NEDD9: variants seen among roughly 807,000 people sequenced by gnomAD.
NEDD9 encodes neural precursor cell expressed, developmentally down-regulated 9, also known as enhancer of filamentation 1.
Under a neutral mutation model 76.6 loss-of-function variants are expected in NEDD9, and 26 were observed. The observed-to-expected ratio is 0.34, with a 90% CI of 0.25 to 0.47. NEDD9 has a LOEUF of 0.47. NEDD9 is among the 20% of genes least tolerant of loss of function. NEDD9 has a pLI of 1.00. For synonymous variants in NEDD9, 392 were observed against 414.2 expected, an observed-to-expected ratio of 0.95 and a Z score of 0.65; for missense variants, 937 against 1,058.5, an observed-to-expected ratio of 0.89 and a Z score of 1.59.
chr6:11,381,468 C>T (rs1376547884), intron 1 of NEDD9, among the ~76,000 whole-genome samples: 6 of 152,096 alleles, frequency 3.9e-5, no homozygotes, highest in African/African-American at 7.2e-5. Flanking sequence ...GCCTCAAGTC[C>T]TTGGTGGAAG....
At chr6:11,338,796 C>A (rs1762215676) in intron 1 of NEDD9, among the ~76,000 whole-genome samples, 1 of 151,886 alleles carries the variant, frequency 6.6e-6, no homozygotes, top group Non-Finnish European at 1.5e-5. Context: ...GTGGTGTGTG[C>A]CTGTAATCCC....
intron 2 of NEDD9, among the ~76,000 whole-genome samples, chr6:11,313,829 T>A (rs1242067528): frequency 6.6e-6 from 1 of 152,214 alleles, no homozygotes; most frequent in Non-Finnish European, 1.5e-5. Context: ...CGGTAATATT[T>A]GTTTTTAAAA....
chr6:11,351,287 G>T (rs1041410939), intron 1 of NEDD9, among the ~76,000 whole-genome samples: 1 of 152,166 alleles, frequency 6.6e-6, no homozygotes, highest in Non-Finnish European at 1.5e-5. Context: ...GGAGTCCCCA[G>T]GCTGGAATGT....
intron 3 of NEDD9, among the ~76,000 whole-genome samples, chr6:11,250,280 C>T (rs1301237585): frequency 1.3e-5 from 2 of 152,164 alleles, no homozygotes; most frequent in Non-Finnish European, 2.9e-5. Flanking sequence ...TTAGAGCCCC[C>T]ATGACAAGCA....
chr6:11,367,081 C>T (rs1055793093), intron 1 of NEDD9, among the ~76,000 whole-genome samples: 3 of 108,928 alleles, frequency 2.8e-5, no homozygotes, highest in African/African-American at 1.2e-4. Flanking sequence ...AGAGGAGAAC[C>T]GTATAAAGCT....
chr6:11,375,358 A>G (rs900419212), intron 1 of NEDD9, among the ~76,000 whole-genome samples: 1 of 152,194 alleles, frequency 6.6e-6, no homozygotes, highest in Non-Finnish European at 1.5e-5. Flanking sequence ...AATTGTATAT[A>G]TACCTATGCA....
At chr6:11,204,073 A>G (rs962139897) in intron 2 of NEDD9, among the ~76,000 whole-genome samples, 1 of 152,168 alleles carries the variant, frequency 6.6e-6, no homozygotes. Flanking sequence ...ATAAAATTTT[A>G]GCAAAGATCA....
At chr6:11,352,830 T>C (rs991056001) in intron 1 of NEDD9, 20 of 152,374 alleles carry the variant, frequency 1.3e-4, no homozygotes, top group African/African-American at 4.3e-4. Context: ...ATCTCGCTTT[T>C]CTACTTATAA....
chr6:11,268,385 AG>A (rs1760239103), intron 3 of NEDD9, among the ~76,000 whole-genome samples: 1 of 152,122 alleles, frequency 6.6e-6, no homozygotes, highest in Non-Finnish European at 1.5e-5. Flanking sequence ...ATGAAAGAAC[AG>A]ATATATAGAA....
intron 1 of NEDD9, among the ~76,000 whole-genome samples, chr6:11,226,261 T>G (rs1027536636): frequency 3.3e-5 from 5 of 152,124 alleles, no homozygotes; most frequent in African/African-American, 1.2e-4. Context: ...CAGGGTTTTT[T>G]TTTGTGTGTG....
At chr6:11,317,826 C>A (rs1319051049) in intron 2 of NEDD9, among the ~76,000 whole-genome samples, 4 of 152,142 alleles carry the variant, frequency 2.6e-5, no homozygotes, top group Non-Finnish European at 5.9e-5. Context: ...GATGTCCAGA[C>A]ATTTGGGCAA....
At chr6:11,338,376 T>G (rs1762206659) in intron 1 of NEDD9, among the ~76,000 whole-genome samples, 1 of 152,156 alleles carries the variant, frequency 6.6e-6, no homozygotes, top group African/African-American at 2.4e-5. Flanking sequence ...CCTGACACCC[T>G]TGATCTCAGC....
At chr6:11,339,865 A>T (rs567169225) in intron 1 of NEDD9, among the ~76,000 whole-genome samples, 18 of 152,232 alleles carry the variant, frequency 1.2e-4, no homozygotes, top group Non-Finnish European at 2.5e-4. Flanking sequence ...TGCATTTGTC[A>T]TCTAATTTCC....
intron 2 of NEDD9, among the ~76,000 whole-genome samples, chr6:11,320,680 A>C (rs947861912): frequency 6.6e-6 from 1 of 152,222 alleles, no homozygotes; most frequent in Non-Finnish European, 1.5e-5. Flanking sequence ...AAATGATGCT[A>C]ATCTATACAA....
At chr6:11,282,657 G>A (rs1007185081) in intron 3 of NEDD9, among the ~76,000 whole-genome samples, 1 of 152,098 alleles carries the variant, frequency 6.6e-6, no homozygotes, top group Admixed American at 6.6e-5. Context: ...TCATGGCATG[G>A]AACCTAAACC....
At chr6:11,308,478 T>C (rs1200586400) in intron 2 of NEDD9, among the ~76,000 whole-genome samples, 5 of 147,430 alleles carry the variant, frequency 3.4e-5, no homozygotes, top group African/African-American at 1.2e-4. Context: ...CACGCCATTC[T>C]CCTGCCTCAG....
intron 2 of NEDD9, among the ~76,000 whole-genome samples, chr6:11,313,170 T>G (rs564890079): frequency 6.6e-6 from 1 of 152,024 alleles, no homozygotes; most frequent in South Asian, 2.1e-4. Context: ...GATGGGTAGA[T>G]AGATGAATAT....
Position 11,318,838 on chromosome 6 carries a change from T to C in NEDD9, c.-152-12683A>G, listed in dbSNP as rs62395338. Among the ~76,000 whole-genome samples the C allele has an allele frequency of 2.6e-4, 39 of 152,178 alleles. No homozygotes were observed. The East Asian group carries it at 7.0e-3, about 27-fold the overall frequency. On this transcript the variant is annotated intron_variant, in intron 2 of 3. Transcript: ENST00000397378. ...TTTTAAAAATGTAAAAAAAAAAAAT[T>C]GTTTTACTCTAAAAGAGCGTCTCTG...
intron 2 of NEDD9, among the ~76,000 whole-genome samples, chr6:11,312,419 T>C (rs1252040030): frequency 6.6e-6 from 1 of 152,168 alleles, no homozygotes; most frequent in Non-Finnish European, 1.5e-5. Context: ...AGTGCTCTTG[T>C]ACCTCTCCAT....
Sources: allele counts gnomAD v4.1 joint callset (sites outside exome capture counted in the v4.1 genomes callset), GRCh38; gene constraint gnomAD v4.1.1; transcripts MANE v1.5; gene names NCBI Gene and HGNC (gene_info 2026-07-23, HGNC 2026-07-21).